NCAM2: variants seen among roughly 807,000 people sequenced by gnomAD.
The protein encoded by NCAM2 is N-CAM-2.
Under a neutral mutation model 98.1 loss-of-function variants are expected in NCAM2, and 30 were observed. The observed-to-expected ratio is 0.31, with a 90% CI of 0.23 to 0.41. NCAM2 has a LOEUF of 0.41. NCAM2 is among the 10% of genes least tolerant of loss of function. NCAM2 has a pLI of 1.00. For synonymous variants in NCAM2, 368 were observed against 342.4 expected (o/e 1.07, Z -0.83); for missense variants, 867 against 1,005.8 (o/e 0.86, Z 1.87).
At chr21:21,299,500 T>G (rs2826781) in intron 5 of NCAM2, among the ~76,000 whole-genome samples, 48,096 of 151,592 alleles carry the variant, frequency 0.32, 8,379 homozygotes, top group African/African-American at 0.46. Flanking sequence ...TGTTTTTCTT[T>G]TTATGCAGAT....
At chr21:21,508,812 T>TTG in intron 15 of NCAM2, 39 bp from the exon 16 acceptor site, 1 of 466,968 alleles carries the variant, frequency 2.1e-6, no homozygotes, top group East Asian at 1.9e-4. Flanking sequence ...TTTTTCCTTT[T>TTG]TTTTTTTTTT....
rs1990276523 is a variant in NCAM2, at chr21:21,542,620, T to C, written c.*4663T>C. Reference sequence around the variant, plus strand: ...GCAAAACCATCACTGTTGGAGAATTTCAAATCACAACCCGACATAGGAGAG... The same window carrying C: ...GCAAAACCATCACTGTTGGAGAATTCCAAATCACAACCCGACATAGGAGAG... On this transcript the variant is annotated 3_prime_UTR_variant, in exon 18 of 18. Transcript: ENST00000400546. The C allele has an allele frequency of 6.6e-6, 1 of 151,816 alleles. No homozygotes were observed. The highest frequency in any genetic ancestry group is 1.5e-5 in the Non-Finnish European group (1 of 67,864). 9.4% of individuals were successfully genotyped at this position (151,816 alleles called of 1,614,324 possible).
intron 9 of NCAM2, among the ~76,000 whole-genome samples, chr21:21,377,784 C>T (rs554337982): frequency 6.6e-6 from 1 of 151,994 alleles, no homozygotes; most frequent in South Asian, 2.1e-4. Context: ...AAACCTATTT[C>T]TCCTGTCTAT....
chr21:21,249,015 G>A (rs1245907068), intron 1 of NCAM2, among the ~76,000 whole-genome samples: 1 of 151,950 alleles, frequency 6.6e-6, no homozygotes, highest in Non-Finnish European at 1.5e-5. Flanking sequence ...GTCAGATAAT[G>A]CTAATGTTTG....
chr21:21,207,194 A>G (rs2147060446), intron 1 of NCAM2, among the ~76,000 whole-genome samples: 1 of 152,326 alleles, frequency 6.6e-6, no homozygotes, highest in African/African-American at 2.4e-5. Context: ...ATTAATCAGA[A>G]TATTGTTATG....
At chr21:21,218,023 C>T (rs1369953492) in intron 1 of NCAM2, among the ~76,000 whole-genome samples, 1 of 152,166 alleles carries the variant, frequency 6.6e-6, no homozygotes, top group African/African-American at 2.4e-5. Context: ...GATTTTGGCC[C>T]TGTGCAGACG....
intron 16 of NCAM2, among the ~76,000 whole-genome samples, chr21:21,517,022 C>G (rs1452803614): frequency 1.3e-5 from 2 of 152,070 alleles, no homozygotes; most frequent in Non-Finnish European, 2.9e-5. Flanking sequence ...CATCAGGATG[C>G]CTGTGTGTGT....
chr21:21,081,216 C>G (rs2065791154), intron 1 of NCAM2, among the ~76,000 whole-genome samples: 1 of 152,078 alleles, frequency 6.6e-6, no homozygotes, highest in Non-Finnish European at 1.5e-5. Flanking sequence ...AGGTCATTTA[C>G]CAGTTAAATT....
intron 1 of NCAM2, among the ~76,000 whole-genome samples, chr21:21,216,672 A>G (rs1246679754): frequency 6.6e-6 from 1 of 152,164 alleles, no homozygotes; most frequent in Non-Finnish European, 1.5e-5. Flanking sequence ...TAGCTTATCA[A>G]TTATATCTCA....
intron 9 of NCAM2, among the ~76,000 whole-genome samples, chr21:21,406,736 A>G (rs2076745739): frequency 6.6e-6 from 1 of 152,190 alleles, no homozygotes; most frequent in Admixed American, 6.6e-5. Flanking sequence ...TAATTTGTAG[A>G]ATCATATTTT....
chr21:21,128,813 G>A (rs1340045890), intron 1 of NCAM2, among the ~76,000 whole-genome samples: 1 of 152,042 alleles, frequency 6.6e-6, no homozygotes, highest in Non-Finnish European at 1.5e-5. Context: ...ATCTACCTTG[G>A]AAATGGCAAA....
intron 1 of NCAM2, among the ~76,000 whole-genome samples, chr21:21,031,336 G>A (rs1012342428): frequency 5.3e-5 from 8 of 152,078 alleles, no homozygotes; most frequent in African/African-American, 1.4e-4. Context: ...ACCTTAAATC[G>A]AGACATGAAG....
At chr21:21,020,377 C>G (rs1034237118) in intron 1 of NCAM2, among the ~76,000 whole-genome samples, 1 of 152,166 alleles carries the variant, frequency 6.6e-6, no homozygotes, top group Non-Finnish European at 1.5e-5. Context: ...CCTCCACTCT[C>G]AAGGACTTTC....
chr21:21,183,933 T>G (rs574192829), intron 1 of NCAM2, among the ~76,000 whole-genome samples: 56 of 152,224 alleles, frequency 3.7e-4, no homozygotes, highest in African/African-American at 1.3e-3. Context: ...AGTTGATACA[T>G]GTAAAGAGAT....
chr21:21,466,598 T>G lies in NCAM2; in HGVS notation c.1655-8T>G, dbSNP rs1983714540. On this transcript the variant is annotated splice_polypyrimidine_tract_variant and splice_region_variant and intron_variant, in intron 12 of 17. Transcript: ENST00000400546. ...GTTTTATTTTGTTTTGTTTTGTTTTTCTTCTAGCAATGGTTGTTTTGAACA... is the reference window on the plus strand; with the variant it reads ...GTTTTATTTTGTTTTGTTTTGTTTTGCTTCTAGCAATGGTTGTTTTGAACA... 6.4e-7 allele frequency: 1 copy of G among 1,558,952 alleles called. No individual in the cohort carries two copies. Among genetic ancestry groups the G allele is most frequent in the Admixed American group, 1.9e-5 (1 of 52,112 alleles).
At chr21:21,197,462 T>C (rs1568754368) in intron 1 of NCAM2, among the ~76,000 whole-genome samples, 1 of 152,150 alleles carries the variant, frequency 6.6e-6, no homozygotes, top group East Asian at 1.9e-4. Context: ...CAGTCTCAGG[T>C]GTTTCTTTGT....
rs1247215221 is a variant in NCAM2 at position 21,531,141 on chromosome 21, TCTTA to T, written c.2283-3392_2283-3389del. Among the ~76,000 whole-genome samples the T allele has an allele frequency of 2.6e-5, 4 of 152,190 alleles. No homozygotes were observed. The East Asian group carries it at 7.7e-4, about 29-fold the overall frequency. ...TTTCATAGAGTTATTTAACCTTTTC[TCTTA>T]CTTGTTGCTTATATCATGTGCCCTA... On this transcript the variant is annotated intron_variant, in intron 16 of 17. Coordinates refer to ENST00000400546, the MANE Select transcript of NCAM2 (RefSeq NM_004540.5).
chr21:21,363,460 A>T (rs2075700049), intron 8 of NCAM2, among the ~76,000 whole-genome samples: 1 of 152,138 alleles, frequency 6.6e-6, no homozygotes, highest in South Asian at 2.1e-4. Context: ...ATATCCCAAC[A>T]CAGTATTACA....
At chr21:21,078,298 A>G (rs961077787) in intron 1 of NCAM2, among the ~76,000 whole-genome samples, 1 of 152,240 alleles carries the variant, frequency 6.6e-6, no homozygotes, top group Non-Finnish European at 1.5e-5. Context: ...AAGATAAATT[A>G]GTTCATTTTA....
Sources: gnomAD v4.1 joint callset for allele counts (sites outside exome capture counted in the v4.1 genomes callset) on GRCh38, gnomAD v4.1.1 for gene constraint, MANE v1.5 for transcripts, NCBI Gene and HGNC (gene_info 2026-07-23, HGNC 2026-07-21) for gene names.